CSMD3: variants seen among roughly 807,000 people sequenced by gnomAD.
CSMD3 encodes CUB and sushi domain-containing protein 3.
Under a neutral mutation model 435.2 loss-of-function variants are expected in CSMD3, and 177 were observed. That is an observed-to-expected ratio of 0.41 (90% CI 0.36 to 0.46). CSMD3 has a LOEUF of 0.46. Among genes scored for constraint, CSMD3 ranks in the 20% least tolerant of loss-of-function variants. The probability of loss-of-function intolerance (pLI) is 0.34; values close to 1 mark genes in which losing one functional copy is unlikely to be tolerated. For synonymous variants in CSMD3, 1,656 were observed against 1,520.5 expected (o/e 1.09, Z -2.07); for missense variants, 4,265 against 4,504.6 (o/e 0.95, Z 1.52).
chr8:113,205,541 T>C (rs2092761368), intron 3 of CSMD3, among the ~76,000 whole-genome samples: 1 of 152,140 alleles, frequency 6.6e-6, no homozygotes, highest in African/African-American at 2.4e-5. Flanking sequence ...GTATGTACAC[T>C]CTATGATGTT....
chr8:113,364,650 T>C (rs1008778098), intron 1 of CSMD3, among the ~76,000 whole-genome samples: 17 of 152,104 alleles, frequency 1.1e-4, no homozygotes, highest in African/African-American at 4.1e-4. Flanking sequence ...AGTGTGAGTT[T>C]TTTTCCTTAT....
rs545942468 is a variant in CSMD3, at chr8:112,635,270, A to T, written c.3715+1547T>A. Among the ~76,000 whole-genome samples the T allele has an allele frequency of 2.1e-3, 319 of 152,204 alleles. 2 individuals carry two copies. Among genetic ancestry groups the T allele is most frequent in the Middle Eastern group, 3.4e-3 (1 of 294 alleles). On this transcript the variant is annotated intron_variant, in intron 22 of 70. Coordinates refer to ENST00000297405, the MANE Select transcript of CSMD3 (RefSeq NM_198123.2). Reference sequence around the variant, plus strand: ...TTCTTTTAATCCTCATAACTAACTCATAACAATGAGTTAGGTGCTACAGTT... The same window carrying T: ...TTCTTTTAATCCTCATAACTAACTCTTAACAATGAGTTAGGTGCTACAGTT...
chr8:112,680,772 T>C (rs953283156), intron 16 of CSMD3, among the ~76,000 whole-genome samples: 6 of 152,180 alleles, frequency 3.9e-5, no homozygotes, highest in Non-Finnish European at 8.8e-5. Flanking sequence ...CATGAGACAT[T>C]ATGAAAATGT....
At chr8:113,103,169 A>C (rs1204980741) in intron 4 of CSMD3, among the ~76,000 whole-genome samples, 1 of 152,172 alleles carries the variant, frequency 6.6e-6, no homozygotes, top group Non-Finnish European at 1.5e-5. Context: ...CTTAAGAATA[A>C]TATATTTTCA....
intron 2 of CSMD3, among the ~76,000 whole-genome samples, chr8:113,283,186 T>C (rs1311886589): frequency 6.6e-6 from 1 of 152,074 alleles, no homozygotes; most frequent in Non-Finnish European, 1.5e-5. Flanking sequence ...AAGGATTTCA[T>C]GACCAAGAAC....
At chr8:112,475,698 T>C (rs1818976559) in intron 31 of CSMD3, among the ~76,000 whole-genome samples, 1 of 152,156 alleles carries the variant, frequency 6.6e-6, no homozygotes, top group South Asian at 2.1e-4. Context: ...ATAAATGGAA[T>C]AATAAGTCAG....
intron 6 of CSMD3, among the ~76,000 whole-genome samples, chr8:113,014,755 C>A (rs1408574652): frequency 1.3e-5 from 2 of 152,002 alleles, no homozygotes; most frequent in African/African-American, 2.4e-5. Flanking sequence ...ATATGAAGGT[C>A]TTTCTAGGTA....
intron 14 of CSMD3, among the ~76,000 whole-genome samples, chr8:112,686,647 A>T (rs1419860452): frequency 2.0e-5 from 3 of 151,840 alleles, no homozygotes; most frequent in Non-Finnish European, 2.9e-5. Context: ...CACCACGCCC[A>T]GCTAATTTTT....
intron 13 of CSMD3, among the ~76,000 whole-genome samples, chr8:112,769,094 C>T (rs1370071968): frequency 3.3e-5 from 5 of 151,884 alleles, no homozygotes; most frequent in Admixed American, 2.0e-4. Flanking sequence ...ATTCTTAGCT[C>T]TTCTGACTCT....
rs912689896 is a variant in CSMD3 at position 113,074,938 on chromosome 8, A to G, written c.917+23818T>C. 5.9e-5 allele frequency among the ~76,000 whole-genome samples: 9 copies of G among 151,984 alleles called. No individual in the cohort carries two copies. The East Asian group carries it at 1.7e-3, about 29-fold the overall frequency. On this transcript the variant is annotated intron_variant, in intron 5 of 70. Transcript: ENST00000297405. Reference sequence around the variant, plus strand: ...TATGTCGTATCCAGACAATTCAAAAAGTATGTTAAATATTGCATTTAAACA... The same window carrying G: ...TATGTCGTATCCAGACAATTCAAAAGGTATGTTAAATATTGCATTTAAACA...
At chr8:112,483,483 GA>G (rs201314138) in intron 31 of CSMD3, among the ~76,000 whole-genome samples, 3 of 149,752 alleles carry the variant, frequency 2.0e-5, no homozygotes, top group East Asian at 2.0e-4. Flanking sequence ...ACTCCACCTC[GA>G]AAAAAAAAGA....
At chr8:112,730,143 A>C (rs148206366) in intron 13 of CSMD3, among the ~76,000 whole-genome samples, 11 of 152,232 alleles carry the variant, frequency 7.2e-5, no homozygotes, top group African/African-American at 2.4e-4. Flanking sequence ...TTGTTTGTGA[A>C]GAGATTAATT....
At chr8:112,857,671 A>G (rs2080701172) in intron 11 of CSMD3, among the ~76,000 whole-genome samples, 1 of 151,858 alleles carries the variant, frequency 6.6e-6, no homozygotes, top group Middle Eastern at 3.4e-3. Context: ...ATCTTTGACA[A>G]GTTATTTATA....
chr8:113,304,916 A>T (rs1261019162), intron 2 of CSMD3, among the ~76,000 whole-genome samples: 10 of 1,424 alleles, frequency 7.0e-3, no homozygotes, highest in Non-Finnish European at 0.012. Flanking sequence ...AAGTATAATA[A>T]AAAAAAAAAA....
At chr8:112,230,103 G>C (rs144228343) in intron 69 of CSMD3, among the ~76,000 whole-genome samples, 172 of 152,220 alleles carry the variant, frequency 1.1e-3, no homozygotes, top group African/African-American at 4.0e-3. Context: ...CAAGCTTGTC[G>C]ACACATTTGC....
chr8:113,171,687 G>A (rs997850698), intron 4 of CSMD3, among the ~76,000 whole-genome samples: 11 of 152,124 alleles, frequency 7.2e-5, no homozygotes, highest in African/African-American at 2.7e-4. Context: ...CTCAGGCTTT[G>A]GAACCTGAGA....
chr8:113,334,975 T>G (rs1156977209), intron 1 of CSMD3, among the ~76,000 whole-genome samples: 1 of 152,078 alleles, frequency 6.6e-6, no homozygotes, highest in Non-Finnish European at 1.5e-5. Flanking sequence ...TCAAATTATA[T>G]CCCCAATGTT....
chr8:112,909,246 C>G (rs1039201311), intron 10 of CSMD3, among the ~76,000 whole-genome samples: 12 of 151,422 alleles, frequency 7.9e-5, no homozygotes, highest in African/African-American at 2.7e-4. Flanking sequence ...CAAATTGGTT[C>G]AGAGCATCGT....
At chr8:112,772,839 G>A (rs888811977) in intron 13 of CSMD3, among the ~76,000 whole-genome samples, 1 of 152,024 alleles carries the variant, frequency 6.6e-6, no homozygotes, top group Non-Finnish European at 1.5e-5. Flanking sequence ...CAAAAGCACA[G>A]CACTTTTTTC....
Sources: allele counts gnomAD v4.1 joint callset (sites outside exome capture counted in the v4.1 genomes callset), GRCh38; gene constraint gnomAD v4.1.1; transcripts MANE v1.5; gene names NCBI Gene and HGNC (gene_info 2026-07-23, HGNC 2026-07-21).